Variants in ARHGDIB observed in about 807,000 individuals in gnomAD.
ARHGDIB encodes the protein rho GDP-dissociation inhibitor 2.
A neutral mutation model predicts 22.6 loss-of-function variants in ARHGDIB; 20 were observed. That is an observed-to-expected ratio of 0.88 (90% CI 0.62 to 1.28). The LOEUF is 1.28. Ranked by LOEUF, ARHGDIB falls within the 50% of genes most tolerant of loss-of-function variation. The probability of loss-of-function intolerance (pLI) is 0.00; values close to 1 mark genes in which losing one functional copy is unlikely to be tolerated. For missense variants in ARHGDIB, 254 were observed against 245.4 expected, an observed-to-expected ratio of 1.04 and a Z score of -0.23; for synonymous variants, 114 against 96.1, an observed-to-expected ratio of 1.19 and a Z score of -1.09.
chr12:14,942,690 A>G lies in ARHGDIB; in HGVS notation c.438T>C (p.Tyr146=). 1.9e-6 allele frequency: 3 copies of G among 1,614,154 alleles called. No individual in the cohort carries two copies. The highest frequency in any genetic ancestry group is 1.7e-4 in the Middle Eastern group (1 of 6,060). ...ACTCATACTCCTCAGGCCGAGGTCC[A>G]TAGCTGCCAACCATAAATGTTGCTT... ...VDKATFMVGS[Y]GPRPEEYEFL... is the part of the protein sequence containing the mutation. Residue 146 remains tyrosine, a synonymous_variant, in exon 6 of 6, where the codon TAT becomes TAC. Coordinates refer to ENST00000228945, the MANE Select transcript of ARHGDIB (RefSeq NM_001175.7).
At chr12:14,943,558 A>C (rs1438089698) in intron 5 of ARHGDIB, among the ~76,000 whole-genome samples, 10 of 152,182 alleles carry the variant, frequency 6.6e-5, no homozygotes, top group Admixed American at 6.5e-4. Context: ...AGGATCTTCT[A>C]TCTACAAACT....
intron 1 of ARHGDIB, among the ~76,000 whole-genome samples, chr12:14,960,231 G>A (rs943544635): frequency 4.5e-4 from 68 of 152,218 alleles, no homozygotes; most frequent in African/African-American, 1.3e-3. Context: ...CACACCTCAA[G>A]TTACCATAGG....
At chr12:14,942,800 A>G (rs1024253870) in intron 5 of ARHGDIB, 79 bp from the exon 6 acceptor site, 1 of 1,243,014 alleles carries the variant, frequency 8.0e-7, no homozygotes, top group Admixed American at 2.0e-5. Context: ...AATCTGGACT[A>G]CAGCCTACAG....
chr12:14,947,227 A>T (rs796784566), intron 4 of ARHGDIB, among the ~76,000 whole-genome samples: 4 of 152,256 alleles, frequency 2.6e-5, no homozygotes, highest in African/African-American at 9.6e-5. Context: ...TTTTCTTGTG[A>T]TTTTGGCTGC....
At chr12:14,955,060 C>T (rs1227371723) in intron 1 of ARHGDIB, among the ~76,000 whole-genome samples, 1 of 151,850 alleles carries the variant, frequency 6.6e-6, no homozygotes, top group Non-Finnish European at 1.5e-5. Flanking sequence ...TATTTTTCTC[C>T]CAGACATAAA....
At chr12:14,944,876 A>C (rs745685276) in intron 4 of ARHGDIB, 37 bp from the exon 5 acceptor site, 2 of 1,588,454 alleles carry the variant, frequency 1.3e-6, no homozygotes, top group South Asian at 2.2e-5. Flanking sequence ...TCAGATTAAG[A>C]GGGTCTTTCA....
chr12:14,950,181 G>C (rs2120718781), intron 2 of ARHGDIB, among the ~76,000 whole-genome samples: 1 of 152,238 alleles, frequency 6.6e-6, no homozygotes, highest in East Asian at 1.9e-4. Flanking sequence ...ATATCTCTGG[G>C]CCATGTCTTG....
At position 14,942,362 on chromosome 12, in the gene ARHGDIB, G is replaced by A. The variant is rs1863882789; in HGVS notation, c.*160C>T. 1.3e-6 allele frequency: 1 copy of A among 786,916 alleles called. No individual in the cohort carries two copies. The highest frequency in any genetic ancestry group is 2.7e-5 in the East Asian group (1 of 37,180). 48.7% of individuals were successfully genotyped at this position (786,916 alleles called of 1,614,324 possible). A position where few individuals can be genotyped will look rare whatever the true frequency, so the allele number is the denominator to read the frequency against. On this transcript the variant is annotated 3_prime_UTR_variant, in exon 6 of 6. Transcript: ENST00000228945. ...GCCCGGTTTTAAGCCTCTTGTTCTA[G>A]GGACCACGTTGAGTGACAGGGTGGG...
chr12:14,960,933 T>C (rs1864398389), intron 1 of ARHGDIB, among the ~76,000 whole-genome samples: 2 of 152,218 alleles, frequency 1.3e-5, no homozygotes. Flanking sequence ...TGCTATACCA[T>C]ACTTCCTCTT....
chr12:14,954,907 C>T (rs766475638), intron 1 of ARHGDIB, among the ~76,000 whole-genome samples: 14 of 152,082 alleles, frequency 9.2e-5, no homozygotes, highest in African/African-American at 2.9e-4. Context: ...TTTTTACTAT[C>T]GATGTGTGTC....
intron 3 of ARHGDIB, 134 bp downstream of exon 3, chr12:14,949,668 T>C: frequency 2.6e-6 from 2 of 766,502 alleles, no homozygotes; most frequent in Non-Finnish European, 4.5e-6. Flanking sequence ...CTAAGAGCAA[T>C]GATTTGTTAA....
At chr12:14,954,120 G>A (rs1337089111) in intron 1 of ARHGDIB, among the ~76,000 whole-genome samples, 3 of 151,944 alleles carry the variant, frequency 2.0e-5, no homozygotes, top group Admixed American at 2.0e-4. Flanking sequence ...CTGGGACTAC[G>A]GGCACATGCC....
At chr12:14,959,043 G>A (rs1245132764) in intron 1 of ARHGDIB, among the ~76,000 whole-genome samples, 1 of 152,190 alleles carries the variant, frequency 6.6e-6, no homozygotes, top group African/African-American at 2.4e-5. Context: ...GATCACCTGA[G>A]CCTCAGGAGG....
chr12:14,950,608 C>A lies in ARHGDIB; in HGVS notation c.105G>T (p.Leu35=), dbSNP rs768498974. ...TCTCATCATCTTTGTCCATTTCCTG[C>A]AGCTCTTTCAGGGACTTCTGTGGTG... ...KPPPQKSLKE[L]QEMDKDDESL... Residue 35 remains leucine (L), a synonymous_variant, in exon 2 of 6, where the codon CTG becomes CTT. Coordinates refer to ENST00000228945, the MANE Select transcript of ARHGDIB (RefSeq NM_001175.7). 5.0e-6 allele frequency: 8 copies of A among 1,613,926 alleles called. No homozygotes were observed. In the Admixed American group the frequency reaches 1.3e-4, roughly 27 times the overall value.
At chr12:14,959,866 T>C (rs1334564920) in intron 1 of ARHGDIB, among the ~76,000 whole-genome samples, 1 of 152,224 alleles carries the variant, frequency 6.6e-6, no homozygotes, top group Non-Finnish European at 1.5e-5. Context: ...GAAAGAACTG[T>C]CTCTTAGAAT....
intron 3 of ARHGDIB, chr12:14,948,791 C>T (rs1864092397): frequency 6.6e-6 from 1 of 152,222 alleles, no homozygotes; most frequent in Non-Finnish European, 1.5e-5. Flanking sequence ...TGCAAACTGG[C>T]AGCTGTACCT....
intron 1 of ARHGDIB, among the ~76,000 whole-genome samples, chr12:14,956,529 C>A (rs975412054): frequency 2.0e-5 from 3 of 152,146 alleles, no homozygotes; most frequent in African/African-American, 7.2e-5. Flanking sequence ...CTGCTCATCC[C>A]CTATTCTACA....
At chr12:14,951,951 C>T (rs1864186182) in intron 1 of ARHGDIB, among the ~76,000 whole-genome samples, 1 of 151,966 alleles carries the variant, frequency 6.6e-6, no homozygotes, top group African/African-American at 2.4e-5. Context: ...AATTTCAGGC[C>T]CTGTGGCTGA....
intron 1 of ARHGDIB, among the ~76,000 whole-genome samples, chr12:14,952,883 C>T (rs1246578731): frequency 3.9e-5 from 6 of 152,200 alleles, no homozygotes; most frequent in Non-Finnish European, 8.8e-5. Context: ...GGTAACATTA[C>T]ATCCAGTCAC....
Sources: gnomAD v4.1 joint callset for allele counts (sites outside exome capture counted in the v4.1 genomes callset) on GRCh38, gnomAD v4.1.1 for gene constraint, MANE v1.5 for transcripts, NCBI Gene and HGNC (gene_info 2026-07-23, HGNC 2026-07-21) for gene names.